NDUFA10: variants seen among roughly 807,000 people sequenced by gnomAD.
NDUFA10 encodes the protein NADH:ubiquinone oxidoreductase subunit A10.
A neutral mutation model predicts 47.8 loss-of-function variants in NDUFA10; 40 were observed. The observed-to-expected ratio is 0.84, with a 90% CI of 0.65 to 1.09. NDUFA10 has a LOEUF of 1.09. Ranked by LOEUF, NDUFA10 falls within the 50% of genes least tolerant of loss-of-function variation. The probability of loss-of-function intolerance (pLI) is 0.00; values close to 1 mark genes in which losing one functional copy is unlikely to be tolerated. For missense variants in NDUFA10, 413 were observed against 451.1 expected, an observed-to-expected ratio of 0.92 and a Z score of 0.76; for synonymous variants, 183 against 172.2, an observed-to-expected ratio of 1.06 and a Z score of -0.49.
intron 4 of NDUFA10, among the ~76,000 whole-genome samples, chr2:239,950,984 C>T (rs1196222230): frequency 2.0e-5 from 3 of 152,360 alleles, no homozygotes; most frequent in South Asian, 4.1e-4. Context: ...CGTTCCGCTT[C>T]AGCCCCTCGT....
chr2:239,896,974 T>C (rs1693411357), intron 4 of NDUFA10, among the ~76,000 whole-genome samples: 1 of 152,258 alleles, frequency 6.6e-6, no homozygotes, highest in Admixed American at 6.5e-5. Flanking sequence ...TGTATGTGTG[T>C]ATGTGTGTGT....
chr2:239,913,882 G>A (rs1386183893), intron 4 of NDUFA10, among the ~76,000 whole-genome samples: 11 of 152,212 alleles, frequency 7.2e-5, no homozygotes, highest in Admixed American at 4.6e-4. Context: ...GCAGGAGGAC[G>A]TGGCCAAGAG....
chr2:239,937,676 A>G (rs984277181), intron 4 of NDUFA10, among the ~76,000 whole-genome samples: 1 of 152,216 alleles, frequency 6.6e-6, no homozygotes, highest in African/African-American at 2.4e-5. Context: ...CTGTGAGGAC[A>G]TGTGCGTTCA....
intron 4 of NDUFA10, among the ~76,000 whole-genome samples, chr2:240,015,628 G>A (rs1419014316): frequency 6.6e-6 from 1 of 152,170 alleles, no homozygotes; most frequent in Non-Finnish European, 1.5e-5. Context: ...CATAATCCAG[G>A]GGGCACCCGC....
intron 4 of NDUFA10, among the ~76,000 whole-genome samples, chr2:239,911,302 C>T (rs1257240648): frequency 6.6e-6 from 1 of 152,180 alleles, no homozygotes; most frequent in African/African-American, 2.4e-5. Flanking sequence ...TTGCGTCCCC[C>T]AGGGCGGCAG....
intron 4 of NDUFA10, among the ~76,000 whole-genome samples, chr2:239,934,431 A>C (rs1448742475): frequency 6.7e-6 from 1 of 150,298 alleles, no homozygotes; most frequent in African/African-American, 2.5e-5. Flanking sequence ...GCATGAAAGG[A>C]ATTGTAACAA....
At position 239,983,714 on chromosome 2, in the gene NDUFA10, A is replaced by G. The variant is rs1168248432; in HGVS notation, c.999+6360T>C. On this transcript the variant is annotated intron_variant, in intron 9 of 9. Coordinates refer to ENST00000252711, the MANE Select transcript of NDUFA10 (RefSeq NM_004544.4). The stretch of plus-strand genomic sequence containing the variant: ...TCCCCAAAACACACAGTCCAATCTA[A>G]TCGCTAGAGAAACATCGGGCAACCC... 8 of 1,566,458 alleles carry G rather than the reference A, an allele frequency of 5.1e-6. No individual in the cohort carries two copies. The East Asian group carries it at 1.4e-4, about 28-fold the overall frequency.
intron 5 of NDUFA10, chr2:240,013,072 G>A (rs1187683415): frequency 1.3e-5 from 2 of 152,228 alleles, no homozygotes; most frequent in Non-Finnish European, 2.9e-5. Context: ...CCCATAACAT[G>A]CAACATAACA....
At chr2:239,913,789 G>A (rs1429157120) in intron 4 of NDUFA10, among the ~76,000 whole-genome samples, 1 of 152,232 alleles carries the variant, frequency 6.6e-6, no homozygotes, top group Non-Finnish European at 1.5e-5. Context: ...CCATCTGGCA[G>A]GCTGCATGTT....
chr2:239,898,650 A>G (rs915545896), intron 4 of NDUFA10, among the ~76,000 whole-genome samples: 1 of 152,220 alleles, frequency 6.6e-6, no homozygotes, highest in Non-Finnish European at 1.5e-5. Context: ...GCATGTGGAC[A>G]TGTCCTGTGA....
At chr2:239,901,131 T>C (rs944658600) in intron 4 of NDUFA10, among the ~76,000 whole-genome samples, 8 of 152,186 alleles carry the variant, frequency 5.3e-5, no homozygotes, top group Non-Finnish European at 1.0e-4. Flanking sequence ...GCCTTCAAAC[T>C]GAAGCCAACA....
chr2:239,938,256 G>A (rs76459800), intron 4 of NDUFA10, among the ~76,000 whole-genome samples: 38,505 of 152,012 alleles, frequency 0.25, 4,736 homozygotes, highest in African/African-American at 0.28. Flanking sequence ...AACCTGTAGC[G>A]TGGCAATGGC....
At chr2:239,970,887 T>C (rs1695278218) in intron 9 of NDUFA10, among the ~76,000 whole-genome samples, 1 of 152,238 alleles carries the variant, frequency 6.6e-6, no homozygotes. Flanking sequence ...GGTTGAAATG[T>C]AAGGTAAGAA....
At chr2:240,003,603 T>C (rs193244126) in intron 8 of NDUFA10, among the ~76,000 whole-genome samples, 24 of 152,340 alleles carry the variant, frequency 1.6e-4, no homozygotes, top group Admixed American at 2.6e-4. Context: ...CCAATCTTGA[T>C]TTATAAATAA....
At chr2:239,965,526 C>T (rs1695023680) in intron 9 of NDUFA10, among the ~76,000 whole-genome samples, 1 of 152,276 alleles carries the variant, frequency 6.6e-6, no homozygotes, top group African/African-American at 2.4e-5. Flanking sequence ...CTCCGGGAGC[C>T]GCAACGGGCC....
At chr2:239,970,084 T>G (rs1263972516) in intron 9 of NDUFA10, among the ~76,000 whole-genome samples, 1 of 152,110 alleles carries the variant, frequency 6.6e-6, no homozygotes, top group African/African-American at 2.4e-5. Flanking sequence ...ACCACGCAGA[T>G]GCATGCCATA....
chr2:239,998,124 A>G (rs929193975), intron 8 of NDUFA10, among the ~76,000 whole-genome samples: 1 of 152,246 alleles, frequency 6.6e-6, no homozygotes, highest in East Asian at 1.9e-4. Context: ...TGGTGGCAGA[A>G]GCGCAGGTGA....
chr2:239,987,549 T>C lies in NDUFA10; in HGVS notation c.999+2525A>G, dbSNP rs1696050423. ...GTTCAGGAAAAGTTATTTTTCTTTTTTTAGTTTGGAACATCCCAAACTACC... is the reference window on the plus strand; with the variant it reads ...GTTCAGGAAAAGTTATTTTTCTTTTCTTAGTTTGGAACATCCCAAACTACC... On this transcript the variant is annotated intron_variant, in intron 9 of 9. Coordinates refer to ENST00000252711, the MANE Select transcript of NDUFA10 (RefSeq NM_004544.4). The surrounding 1 kb of genome is among the most constrained non-coding windows in gnomAD (Gnocchi z 4.8). 6.6e-6 allele frequency among the ~76,000 whole-genome samples: 1 copy of C among 152,162 alleles called. No homozygotes were observed. Among genetic ancestry groups the C allele is most frequent in the Admixed American group, 6.5e-5 (1 of 15,276 alleles).
chr2:239,982,260 G>A, intron 9 of NDUFA10: 1 of 1,601,406 alleles, frequency 6.2e-7, no homozygotes, highest in Non-Finnish European at 8.5e-7. Context: ...CCTCGCCTCT[G>A]ACAAAGGCCG....
Sources: gnomAD v4.1 joint callset for allele counts (sites outside exome capture counted in the v4.1 genomes callset) on GRCh38, gnomAD v4.1.1 for gene constraint, Gnocchi (gnomAD v3.1) non-coding constraint, MANE v1.5 for transcripts, NCBI Gene and HGNC (gene_info 2026-07-23, HGNC 2026-07-21) for gene names.